HSD17B4: variants seen among roughly 807,000 people sequenced by gnomAD.
HSD17B4 encodes peroxisomal multifunctional enzyme type 2.
In HSD17B4, 70 loss-of-function variants were observed where a neutral mutation model predicts 101.0. That is an observed-to-expected ratio of 0.69 (90% confidence interval 0.57 to 0.85). HSD17B4 has a LOEUF of 0.85. Among genes scored for constraint, HSD17B4 ranks in the 40% least tolerant of loss-of-function variants. The pLI, the probability that HSD17B4 is intolerant of heterozygous loss-of-function variation, is 0.00. For missense variants in HSD17B4, 984 were observed against 892.4 expected (o/e 1.10, Z -1.31); for synonymous variants, 347 against 297.1 (o/e 1.17, Z -1.73).
chr5:119,507,705 ACCCTGGAGG>A (rs1422330516), intron 15 of HSD17B4, among the ~76,000 whole-genome samples: 1 of 151,686 alleles, frequency 6.6e-6, no homozygotes, highest in Non-Finnish European at 1.5e-5. Context: ...AATGGCGTGA[ACCCTGGAGG>A]CAGAGCATGC....
chr5:119,454,728 T>C (rs1271814286), intron 1 of HSD17B4, among the ~76,000 whole-genome samples: 1 of 152,056 alleles, frequency 6.6e-6, no homozygotes, highest in Non-Finnish European at 1.5e-5. Flanking sequence ...TTCAAACAAT[T>C]CTCCTACCTC....
At chr5:119,517,925 G>A (rs1752780920) in intron 17 of HSD17B4, among the ~76,000 whole-genome samples, 1 of 152,170 alleles carries the variant, frequency 6.6e-6, no homozygotes, top group African/African-American at 2.4e-5. Flanking sequence ...TTGATACTCT[G>A]TATCTAGCTA....
intron 9 of HSD17B4, among the ~76,000 whole-genome samples, chr5:119,490,166 A>G (rs1749973728): frequency 6.6e-6 from 1 of 152,150 alleles, no homozygotes; most frequent in African/African-American, 2.4e-5. Flanking sequence ...TAAGACAAAA[A>G]AAACAGTTTG....
chr5:119,539,542 C>T (rs1754810526), intron 23 of HSD17B4, among the ~76,000 whole-genome samples: 1 of 151,376 alleles, frequency 6.6e-6, no homozygotes, highest in South Asian at 2.1e-4. Flanking sequence ...ATGTAACAAA[C>T]CTGCGCATTG....
intron 15 of HSD17B4, among the ~76,000 whole-genome samples, chr5:119,507,425 T>C (rs1200207440): frequency 1.3e-5 from 2 of 152,198 alleles, no homozygotes; most frequent in African/African-American, 4.8e-5. Context: ...AAAAAGATTG[T>C]AGTAGTTTAA....
chr5:119,513,949 A>T (rs1050381907), intron 16 of HSD17B4, among the ~76,000 whole-genome samples: 2 of 152,172 alleles, frequency 1.3e-5, no homozygotes, highest in Non-Finnish European at 2.9e-5. Context: ...TTTATTTTTA[A>T]TCAGGCAGCC....
chr5:119,539,717 G>A (rs116142115), intron 23 of HSD17B4, among the ~76,000 whole-genome samples: 1,776 of 151,870 alleles, frequency 0.012, 39 homozygotes, highest in African/African-American at 0.041. Context: ...TGTTATTTTT[G>A]CCTCATATTT....
In HSD17B4 at chr5:119,484,024, C is replaced by T. The variant is rs575767156; in HGVS notation, c.622+5003C>T. ...TATAGCTCTTAAGTTTCCTTTAAAACATAATAGTTCATCTTCTCTTTTTTT... is the reference window on the plus strand; with the variant it reads ...TATAGCTCTTAAGTTTCCTTTAAAATATAATAGTTCATCTTCTCTTTTTTT... On this transcript the variant is annotated intron_variant, in intron 8 of 23. Coordinates refer to ENST00000510025, the MANE Select transcript of HSD17B4 (RefSeq NM_000414.4). Among the ~76,000 whole-genome samples, 46 of 152,176 alleles carry T rather than the reference C, an allele frequency of 3.0e-4. 1 individual carries two copies. The South Asian group carries it at 9.5e-3, about 32-fold the overall frequency.
At position 119,479,040 on chromosome 5, in the gene HSD17B4, A is replaced by G. The variant is rs752455947; in HGVS notation, c.622+19A>G. On this transcript the variant is annotated intron_variant, in intron 8 of 23. Transcript: ENST00000510025. The stretch of plus-strand genomic sequence containing the variant: ...CCTGAAGGTAAGTAAGCAAGCTTAT[A>G]TTTTTCAGTGCTGTTACTTACAAAC... 8 of 1,585,156 alleles carry G rather than the reference A, an allele frequency of 5.0e-6. No individual in the cohort carries two copies. The highest frequency in any genetic ancestry group is 4.0e-5 in the African/African-American group (3 of 74,288).
intron 11 of HSD17B4, among the ~76,000 whole-genome samples, chr5:119,494,231 C>T (rs1405453549): frequency 6.6e-6 from 1 of 152,134 alleles, no homozygotes; most frequent in Non-Finnish European, 1.5e-5. Flanking sequence ...AATGCACTTA[C>T]ATCCTCACTG....
At chr5:119,535,686 AT>A (rs397882330) in intron 22 of HSD17B4, 3 of 147,922 alleles carry the variant, frequency 2.0e-5, no homozygotes, top group African/African-American at 7.4e-5. Flanking sequence ...ATATATATAT[AT>A]TTTTGGGGGT....
intron 9 of HSD17B4, among the ~76,000 whole-genome samples, chr5:119,491,460 ACT>A (rs1491588922): frequency 5.9e-5 from 6 of 102,322 alleles, no homozygotes; most frequent in African/African-American, 2.5e-4. Flanking sequence ...GACTCATCAG[ACT>A]TTTTTTTTTT....
rs183359964 is a variant in HSD17B4 at position 119,500,070 on chromosome 5, A to G, written c.1209+517A>G. Among the ~76,000 whole-genome samples, 264 of 152,286 alleles carry G rather than the reference A, an allele frequency of 1.7e-3. 6 individuals carry two copies. The South Asian group carries it at 0.048, about 28-fold the overall frequency. On this transcript the variant is annotated intron_variant, in intron 13 of 23. Coordinates refer to ENST00000510025, the MANE Select transcript of HSD17B4 (RefSeq NM_000414.4). ...AAGATTTCAGCATATACTTTGATGA[A>G]CATGTGAAGCCATTTGTTGATCTGA...
chr5:119,482,349 T>C (rs1203514162), intron 8 of HSD17B4, among the ~76,000 whole-genome samples: 1 of 152,120 alleles, frequency 6.6e-6, no homozygotes, highest in Non-Finnish European at 1.5e-5. Context: ...TAACCATCTG[T>C]TCTTGTGTAT....
chr5:119,499,441 A>C lies in HSD17B4; in HGVS notation c.1097A>C (p.Glu366Ala), dbSNP rs1561463509. ...KDPKDLKFIY[E>A]GSSDFSCLPT... Reference sequence around the variant, plus strand: ...CCAAAAGATTTGAAATTTATTTATGAAGGAAGTTCTGATTTCTCCTGTTTG... The same window carrying C: ...CCAAAAGATTTGAAATTTATTTATGCAGGAAGTTCTGATTTCTCCTGTTTG... The change falls in exon 13 of 24, where the codon GAA (glutamate) becomes GCA (alanine). Residue 366 changes from glutamate to alanine, a missense_variant. Glu to Ala is a moderately radical substitution (Grantham distance 107). Coordinates refer to ENST00000510025, the MANE Select transcript of HSD17B4 (RefSeq NM_000414.4). The C allele has an allele frequency of 6.2e-7, 1 of 1,613,658 alleles. No individual in the cohort carries two copies. The highest frequency in any genetic ancestry group is 8.5e-7 in the Non-Finnish European group (1 of 1,179,610).
chr5:119,536,327 G>A, intron 22 of HSD17B4, 96 bp from the exon 23 acceptor site: 1 of 1,102,416 alleles, frequency 9.1e-7, no homozygotes, highest in South Asian at 1.3e-5. Flanking sequence ...CATTAACATG[G>A]AAACTATAGA....
In HSD17B4 at chr5:119,456,347, G is replaced by A. The variant is rs1188838605; in HGVS notation, c.91G>A (p.Glu31Lys). Residue 31 changes from glutamate to lysine, a missense_variant, in exon 2 of 24, where the codon GAA becomes AAA. Transcript: ENST00000510025. ...CCGAGCCTATGCCCTGGCTTTTGCA[G>A]AAAGAGGAGCGTTAGTTGTTGGTAA... The part of the protein sequence containing the change: ...LGRAYALAFA[E>K]RGALVVVNDL... 6.2e-7 allele frequency: 1 copy of A among 1,610,136 alleles called. No homozygotes were observed. The highest frequency in any genetic ancestry group is 8.5e-7 in the Non-Finnish European group (1 of 1,176,444).
At chr5:119,487,377 A>G (rs1056681307) in intron 8 of HSD17B4, 3 of 151,428 alleles carry the variant, frequency 2.0e-5, no homozygotes, top group South Asian at 4.1e-4. Context: ...GACATCTAGT[A>G]TTGTGGAAGA....
At chr5:119,508,209 A>G (rs2126811095) in intron 15 of HSD17B4, among the ~76,000 whole-genome samples, 1 of 148,982 alleles carries the variant, frequency 6.7e-6, no homozygotes, top group Admixed American at 6.8e-5. Flanking sequence ...TCTTCTCACC[A>G]TTGAACCAAA....
Sources: gnomAD v4.1 joint callset for allele counts (sites outside exome capture counted in the v4.1 genomes callset) on GRCh38, gnomAD v4.1.1 for gene constraint, MANE v1.5 for transcripts, NCBI Gene and HGNC (gene_info 2026-07-23, HGNC 2026-07-21) for gene names.